C2orf74: variants seen among roughly 807,000 people sequenced by gnomAD.
The protein encoded by C2orf74 is uncharacterized protein C2orf74.
C2orf74 carries 14 observed loss-of-function variants against 17.9 expected under a neutral mutation model. The ratio of observed to expected loss-of-function variants is 0.78; its 90% confidence interval spans 0.52 to 1.22. The LOEUF is 1.22. Ranked by LOEUF, C2orf74 falls within the 50% of genes most tolerant of loss-of-function variation. The probability of loss-of-function intolerance (pLI) is 0.00; values close to 1 mark genes in which losing one functional copy is unlikely to be tolerated. For synonymous variants in C2orf74, 79 were observed against 72.6 expected (o/e 1.09, Z -0.44); for missense variants, 217 against 218.4 (o/e 0.99, Z 0.04).
chr2:61,157,185 C>G (rs1685417313), intron 1 of C2orf74, among the ~76,000 whole-genome samples: 1 of 152,166 alleles, frequency 6.6e-6, no homozygotes, highest in East Asian at 1.9e-4. Context: ...GGTTTACAGG[C>G]CCACGCCACC....
Position 61,164,540 on chromosome 2 carries a change from G to A in C2orf74, c.*13G>A, listed in dbSNP as rs1573726191. On this transcript the variant is annotated 3_prime_UTR_variant, in exon 5 of 5. Transcript: ENST00000432605. The stretch of plus-strand genomic sequence containing the variant: ...AGAGAGGAAATGAAGCTCAAAAAAG[G>A]GTAAGAGTGAAAGAAAATGTAACGT... 2 of 1,482,064 alleles carry A rather than the reference G, an allele frequency of 1.3e-6. No individual in the cohort carries two copies. Among genetic ancestry groups the A allele is most frequent in the African/African-American group, 2.9e-5 (2 of 70,108 alleles). 91.8% of individuals were successfully genotyped at this position (1,482,064 alleles called of 1,614,324 possible).
chr2:61,149,801 A>G (rs535859308), intron 1 of C2orf74, among the ~76,000 whole-genome samples: 1 of 150,980 alleles, frequency 6.6e-6, no homozygotes, highest in African/African-American at 2.4e-5. Context: ...CTGGTCTCGA[A>G]CTCCTGACCT....
upstream of C2orf74, chr2:61,158,088 C>T (rs1000145871): frequency 9.0e-6 from 4 of 445,926 alleles, no homozygotes; most frequent in Admixed American, 7.4e-5. Flanking sequence ...ATGCCAGGAG[C>T]ACAAGAAAAG....
intron 1 of C2orf74, chr2:61,145,199 A>G (rs1685032261): frequency 6.6e-6 from 1 of 152,250 alleles, no homozygotes; most frequent in Non-Finnish European, 1.5e-5. Context: ...AAAGGCTGGT[A>G]TGTTCGTTTT....
intron 1 of C2orf74, among the ~76,000 whole-genome samples, chr2:61,155,340 G>A (rs1214035681): frequency 1.3e-5 from 2 of 152,010 alleles, no homozygotes; most frequent in African/African-American, 2.4e-5. Flanking sequence ...AACAATTTCT[G>A]TCTCATCACC....
intron 4 of C2orf74, 70 bp downstream of exon 4, chr2:61,163,302 G>A (rs925747765): frequency 8.2e-6 from 12 of 1,466,314 alleles, no homozygotes; most frequent in East Asian, 4.9e-5. Flanking sequence ...ACATTCCTCA[G>A]CTAGGTATAA....
intron 1 of C2orf74, among the ~76,000 whole-genome samples, chr2:61,148,559 A>G (rs1685136039): frequency 6.6e-6 from 1 of 152,316 alleles, no homozygotes; most frequent in Admixed American, 6.5e-5. Context: ...TTTTTTAACT[A>G]ATTTTAAAAT....
intron 4 of C2orf74, 63 bp downstream of exon 4, chr2:61,163,295 T>C (rs532791332): frequency 6.8e-7 from 1 of 1,474,876 alleles, no homozygotes; most frequent in African/African-American, 1.4e-5. Flanking sequence ...ATAAGGTACA[T>C]TCCTCAGCTA....
At chr2:61,146,598 G>T (rs1034687620) in intron 1 of C2orf74, among the ~76,000 whole-genome samples, 22 of 152,326 alleles carry the variant, frequency 1.4e-4, no homozygotes, top group African/African-American at 5.3e-4. Context: ...CATTTTGGGA[G>T]GCCGAGACGG....
upstream of C2orf74, among the ~76,000 whole-genome samples, chr2:61,158,604 A>C (rs968476446): frequency 6.6e-6 from 1 of 152,220 alleles, no homozygotes; most frequent in African/African-American, 2.4e-5. Context: ...CTGGTGGTGC[A>C]GCTGAGGTGA....
intron 1 of C2orf74, among the ~76,000 whole-genome samples, chr2:61,147,504 T>C (rs1178659252): frequency 6.6e-6 from 1 of 152,234 alleles, no homozygotes; most frequent in Non-Finnish European, 1.5e-5. Flanking sequence ...CACCAGTTCT[T>C]AGAATTGACA....
At chr2:61,145,843 G>C (rs987587104) in intron 1 of C2orf74, among the ~76,000 whole-genome samples, 1 of 152,174 alleles carries the variant, frequency 6.6e-6, no homozygotes, top group Non-Finnish European at 1.5e-5. Flanking sequence ...TTACAGGCCA[G>C]CTTCAGTTTT....
chr2:61,164,471 G>C lies in C2orf74; in HGVS notation c.508G>C (p.Gly170Arg). The change falls in exon 5 of 5, where the codon GGG (glycine) becomes CGG (arginine). Residue 170 changes from glycine (G) to arginine (R), a missense_variant. Physicochemically the swap from Gly to Arg is moderately radical, Grantham distance 125. Transcript: ENST00000432605. ...TAGGGAGGTAATTGTTGTGGATCTT[G>C]GGAATGAATACCCTACACCTCGAAG... ...FSREVIVVDL[G>R]NEYPTPRSYT... 3.9e-6 allele frequency: 6 copies of C among 1,550,968 alleles called. No homozygotes were observed. The highest frequency in any genetic ancestry group is 5.2e-6 in the Non-Finnish European group (6 of 1,146,748).
At chr2:61,161,610 A>C (rs899843174), upstream of C2orf74, 1 of 152,166 alleles carries the variant, frequency 6.6e-6, no homozygotes, top group Non-Finnish European at 1.5e-5. Flanking sequence ...AATCCTTTTA[A>C]TATGTTGCTG....
Position 61,162,420 on chromosome 2 carries a change from C to T in C2orf74, c.-95C>T. On this transcript the variant is annotated 5_prime_UTR_variant, in exon 2 of 5. Transcript: ENST00000432605. ...TTTTTATTCCTCTGTTTCTAGAAAA[C>T]TTAAAGAACAAGAGAACTGCATTCA... is the stretch of plus-strand genomic sequence containing the variant. 1.1e-6 allele frequency: 1 copy of T among 939,562 alleles called. No homozygotes were observed. Among genetic ancestry groups the T allele is most frequent in the East Asian group, 2.6e-5 (1 of 38,004 alleles). 58.2% of individuals were successfully genotyped at this position (939,562 alleles called of 1,614,324 possible).
intron 4 of C2orf74, 120 bp downstream of exon 4, chr2:61,163,352 T>C (rs1285796503): frequency 3.7e-6 from 4 of 1,085,886 alleles, no homozygotes; most frequent in Non-Finnish European, 3.9e-6. Flanking sequence ...CTCACGCCTG[T>C]AATCCCAGCA....
At position 61,162,822 on chromosome 2, in the gene C2orf74, T is replaced by A. The variant is rs567256912; in HGVS notation, c.96-20T>A. On this transcript the variant is annotated intron_variant, in intron 2 of 4. Transcript: ENST00000432605. ...AGGGCCATTCTTCCTTTTCTGAATT[T>A]GTGGCTTGTTTGTTTTCAGTTTCCA... 90 of 1,541,078 alleles carry A rather than the reference T, an allele frequency of 5.8e-5. No homozygotes were observed. The African/African-American group carries it at 1.1e-3, about 18-fold the overall frequency.
chr2:61,145,163 C>G (rs3213944), exon 1 of C2orf74: 64,181 of 152,174 alleles, frequency 0.42, 13,772 homozygotes, highest in Middle Eastern at 0.5. Flanking sequence ...AAATCCTGCT[C>G]TGGCCGGATT....
rs1685666332 is a variant in C2orf74, at chr2:61,164,424, CT to C, written c.464del (p.Leu155Ter). 8.4e-6 allele frequency: 13 copies of C among 1,550,890 alleles called. No individual in the cohort carries two copies. The highest frequency in any genetic ancestry group is 1.0e-5 in the Non-Finnish European group (12 of 1,146,722). Reference sequence around the variant, plus strand: ...TCAGTTGTTGAAAGCCAAAAAAGACCTTTAAAAGGAGTGACATTTTCTAGGG... The same window carrying C: ...TCAGTTGTTGAAAGCCAAAAAAGACCTTAAAAGGAGTGACATTTTCTAGGG... ...TPSVVESQKR[P>X]LKGVTFSREV... On this transcript the variant is annotated frameshift_variant, in exon 5 of 5. Coordinates refer to ENST00000432605, the MANE Select transcript of C2orf74 (RefSeq NM_001143959.4). LOFTEE classifies it high-confidence loss of function.
Sources: allele counts gnomAD v4.1 joint callset (sites outside exome capture counted in the v4.1 genomes callset), GRCh38; gene constraint gnomAD v4.1.1; transcripts MANE v1.5; gene names NCBI Gene and HGNC (gene_info 2026-07-23, HGNC 2026-07-21).